PDZRN4: variants seen among roughly 807,000 people sequenced by gnomAD.
The protein encoded by PDZRN4 is PDZ domain containing ring finger 4, also known as PDZ domain-containing RING finger protein 4.
A neutral mutation model predicts 99.0 loss-of-function variants in PDZRN4; 70 were observed. That is an observed-to-expected ratio of 0.71 (90% CI 0.58 to 0.86). PDZRN4 has a LOEUF of 0.86. Ranked by LOEUF, PDZRN4 falls within the 40% of genes least tolerant of loss-of-function variation. PDZRN4 has a pLI of 0.00. For synonymous variants in PDZRN4, 551 were observed against 501.6 expected (o/e 1.10, Z -1.32); for missense variants, 1,474 against 1,331.2 (o/e 1.11, Z -1.67).
Position 41,432,576 on chromosome 12 carries a change from A to G in PDZRN4, c.844-73880A>G, listed in dbSNP as rs531277136. On this transcript the variant is annotated intron_variant, in intron 3 of 9. Coordinates refer to ENST00000402685, the MANE Select transcript of PDZRN4 (RefSeq NM_001164595.2). ...ACAATTCTATGAGTTTTGGGGGCTC[A>G]AAGATCAATTAAATGTTAATGTTGC... Among the ~76,000 whole-genome samples, 4 of 152,338 alleles carry G rather than the reference A, an allele frequency of 2.6e-5. No individual in the cohort carries two copies. The South Asian group carries it at 6.2e-4, about 24-fold the overall frequency.
At chr12:41,343,268 T>C (rs1354346959) in intron 3 of PDZRN4, among the ~76,000 whole-genome samples, 1 of 152,012 alleles carries the variant, frequency 6.6e-6, no homozygotes, top group African/African-American at 2.4e-5. Flanking sequence ...TGATATTTTG[T>C]ATTTCCGTGG....
chr12:41,411,067 A>T (rs1458163), intron 3 of PDZRN4, among the ~76,000 whole-genome samples: 76,727 of 140,018 alleles, frequency 0.55, 22,670 homozygotes, highest in Middle Eastern at 0.73. Flanking sequence ...ATATATATAT[A>T]TTTTTTTTTT....
Position 41,211,929 on chromosome 12 carries a change from T to C in PDZRN4, c.843+17741T>C, listed in dbSNP as rs193232190. Among the ~76,000 whole-genome samples the C allele has an allele frequency of 2.6e-3, 390 of 152,142 alleles. 1 individual carries two copies. Among genetic ancestry groups the C allele is most frequent in the Non-Finnish European group, 4.5e-3 (307 of 67,950 alleles). On this transcript the variant is annotated intron_variant, in intron 3 of 9. Transcript: ENST00000402685. Reference sequence around the variant, plus strand: ...CCCTTTATATGATACCAGGTTTCTTTGTATATTATTTCTAAAATAGGTATA... The same window carrying C: ...CCCTTTATATGATACCAGGTTTCTTCGTATATTATTTCTAAAATAGGTATA...
chr12:41,449,728 G>A (rs1435270542), intron 3 of PDZRN4, among the ~76,000 whole-genome samples: 1 of 152,176 alleles, frequency 6.6e-6, no homozygotes. Flanking sequence ...GGATATATCT[G>A]TGTAAAATTA....
intron 9 of PDZRN4, among the ~76,000 whole-genome samples, chr12:41,570,428 G>A (rs900319664): frequency 3.3e-5 from 5 of 151,996 alleles, no homozygotes; most frequent in Non-Finnish European, 7.4e-5. Context: ...AAGGGAAAGG[G>A]GATATTCAAT....
intron 6 of PDZRN4, 40 bp from the exon 7 acceptor site, chr12:41,555,658 T>C: frequency 1.3e-6 from 2 of 1,489,470 alleles, no homozygotes; most frequent in Non-Finnish European, 1.9e-6. Flanking sequence ...TGAGGGAATG[T>C]TTCATACCCA....
intron 3 of PDZRN4, among the ~76,000 whole-genome samples, chr12:41,210,884 A>G (rs550609987): frequency 1.2e-3 from 177 of 152,104 alleles, no homozygotes; most frequent in African/African-American, 4.0e-3. Flanking sequence ...AAAAGACACT[A>G]AAGTCCAAAA....
chr12:41,531,437 C>T (rs929742810), intron 5 of PDZRN4, among the ~76,000 whole-genome samples: 3 of 152,180 alleles, frequency 2.0e-5, no homozygotes, highest in Non-Finnish European at 4.4e-5. Context: ...TCAACATGCA[C>T]GTGTTTGTTA....
intron 3 of PDZRN4, among the ~76,000 whole-genome samples, chr12:41,466,945 C>T (rs531154323): frequency 6.2e-4 from 94 of 152,290 alleles, no homozygotes; most frequent in African/African-American, 1.9e-3. Flanking sequence ...CACGCTGCTT[C>T]GCCTGATAAG....
At chr12:41,399,494 G>A (rs1174882951) in intron 3 of PDZRN4, among the ~76,000 whole-genome samples, 2 of 152,110 alleles carry the variant, frequency 1.3e-5, no homozygotes, top group Non-Finnish European at 2.9e-5. Context: ...CAGTACTTTG[G>A]GAGGCCAAGG....
chr12:41,375,135 G>A (rs1952069946), intron 3 of PDZRN4, among the ~76,000 whole-genome samples: 1 of 152,098 alleles, frequency 6.6e-6, no homozygotes, highest in South Asian at 2.1e-4. Flanking sequence ...AAAACTTTGA[G>A]ATGACTACAG....
At chr12:41,291,924 T>C (rs1951459036) in intron 3 of PDZRN4, among the ~76,000 whole-genome samples, 1 of 152,080 alleles carries the variant, frequency 6.6e-6, no homozygotes, top group African/African-American at 2.4e-5. Context: ...ACAGGAACCC[T>C]GAGTACCAAA....
chr12:41,401,242 G>A (rs943014860), intron 3 of PDZRN4, among the ~76,000 whole-genome samples: 11 of 151,996 alleles, frequency 7.2e-5, no homozygotes, highest in African/African-American at 1.7e-4. Flanking sequence ...GCCCATAGCC[G>A]AATGAATAAA....
At chr12:41,371,751 C>T (rs2121081058) in intron 3 of PDZRN4, among the ~76,000 whole-genome samples, 1 of 152,188 alleles carries the variant, frequency 6.6e-6, no homozygotes, top group Middle Eastern at 3.4e-3. Context: ...ATACGCTATC[C>T]AGCATTTTAA....
At chr12:41,378,937 T>C (rs1358665707) in intron 3 of PDZRN4, among the ~76,000 whole-genome samples, 1 of 152,196 alleles carries the variant, frequency 6.6e-6, no homozygotes, top group Non-Finnish European at 1.5e-5. Context: ...AGGGAATAAA[T>C]TATTTGGCAA....
intron 3 of PDZRN4, among the ~76,000 whole-genome samples, chr12:41,436,415 C>T (rs1458167): frequency 0.51 from 77,402 of 152,008 alleles, 20,186 homozygotes; most frequent in African/African-American, 0.64. Flanking sequence ...CGATTCTAAA[C>T]ATGTGACAAA....
At chr12:41,542,927 A>G (rs942101584) in intron 5 of PDZRN4, among the ~76,000 whole-genome samples, 2 of 152,108 alleles carry the variant, frequency 1.3e-5, no homozygotes, top group African/African-American at 4.8e-5. Flanking sequence ...CAATCATCCT[A>G]ATTTTATAAT....
At chr12:41,382,650 A>T (rs1236402726) in intron 3 of PDZRN4, among the ~76,000 whole-genome samples, 1 of 152,204 alleles carries the variant, frequency 6.6e-6, no homozygotes, top group Admixed American at 6.5e-5. Context: ...CTTTTCCAAG[A>T]TGCACCTTTT....
chr12:41,250,055 C>T (rs1951158197), intron 3 of PDZRN4, among the ~76,000 whole-genome samples: 1 of 152,126 alleles, frequency 6.6e-6, no homozygotes, highest in Non-Finnish European at 1.5e-5. Flanking sequence ...ATGGTACAGA[C>T]AACTATGGAG....
Sources: gnomAD v4.1 joint callset for allele counts (sites outside exome capture counted in the v4.1 genomes callset) on GRCh38, gnomAD v4.1.1 for gene constraint, MANE v1.5 for transcripts, NCBI Gene and HGNC (gene_info 2026-07-23, HGNC 2026-07-21) for gene names.